Variants in CBL observed in about 807,000 individuals in gnomAD.
CBL encodes the protein Cbl proto-oncogene.
A neutral mutation model predicts 96.9 loss-of-function variants in CBL; 45 were observed. That is an observed-to-expected ratio of 0.46 (90% CI 0.37 to 0.60). The LOEUF is 0.60. Ranked by LOEUF, CBL falls within the 20% of genes least tolerant of loss-of-function variation. The pLI is 0.00. For missense variants in CBL, 1,024 were observed against 1,143.5 expected (o/e 0.90, Z 1.51); for synonymous variants, 420 against 426.8 (o/e 0.98, Z 0.20).
In CBL at chr11:119,302,695, A is replaced by G; in HGVS notation, c.*2914A>G. 4.3e-6 allele frequency: 1 copy of G among 231,594 alleles called. No individual in the cohort carries two copies. The highest frequency in any genetic ancestry group is 8.5e-6 in the Non-Finnish European group (1 of 117,034). The allele number at this position is 231,594 out of a possible 1,614,324, so 14.3% of individuals were successfully genotyped here. On this transcript the variant is annotated 3_prime_UTR_variant, in exon 16 of 16. Transcript: ENST00000264033. ...CAACTGGACCTTTCCAGCTGTCGCC[A>G]TGTTCCTTCCACTAAAGTAGAGGGT...
intron 1 of CBL, among the ~76,000 whole-genome samples, chr11:119,224,943 G>A (rs796081476): frequency 5.3e-5 from 8 of 151,978 alleles, no homozygotes; most frequent in African/African-American, 1.4e-4. Flanking sequence ...AAAGAACTTC[G>A]TATAAGCAGA....
chr11:119,225,724 C>CTTT (rs57084908), intron 1 of CBL, among the ~76,000 whole-genome samples: 26,947 of 102,316 alleles, frequency 0.26, 4,597 homozygotes, highest in South Asian at 0.5. Context: ...TAAATATTTT[C>CTTT]TTTTTTTTTT....
At chr11:119,283,906 C>T (rs978069919) in intron 9 of CBL, among the ~76,000 whole-genome samples, 12 of 151,768 alleles carry the variant, frequency 7.9e-5, no homozygotes, top group Non-Finnish European at 1.3e-4. Flanking sequence ...CAAAGTGCTG[C>T]GATTACAGGC....
chr11:119,212,503 A>G (rs11217185), intron 1 of CBL, among the ~76,000 whole-genome samples: 1 of 151,438 alleles, frequency 6.6e-6, no homozygotes, highest in Admixed American at 6.6e-5. Flanking sequence ...GTGCATCCCT[A>G]TAATCCCAGC....
At chr11:119,217,117 G>C (rs1483245703) in intron 1 of CBL, among the ~76,000 whole-genome samples, 1 of 152,066 alleles carries the variant, frequency 6.6e-6, no homozygotes, top group African/African-American at 2.4e-5. Context: ...AAGTCACCTA[G>C]CTCGTATCTT....
At chr11:119,228,021 A>G (rs1949472127) in intron 1 of CBL, among the ~76,000 whole-genome samples, 1 of 151,460 alleles carries the variant, frequency 6.6e-6, no homozygotes, top group Non-Finnish European at 1.5e-5. Flanking sequence ...CAGCCTCCAT[A>G]TGTACAAATT....
At chr11:119,292,835 G>T (rs955816832) in intron 12 of CBL, among the ~76,000 whole-genome samples, 6 of 150,454 alleles carry the variant, frequency 4.0e-5, no homozygotes, top group African/African-American at 1.5e-4. Context: ...TTGCTGTGTT[G>T]CCCAGTTTTA....
rs772002109 is a variant in CBL at position 119,285,537 on chromosome 11, G to A, written c.1912G>A (p.Gly638Arg). The change falls in exon 11 of 16, where the codon GGA (glycine) becomes AGA (arginine). Residue 638 changes from glycine to arginine, a missense_variant. Gly to Arg is a moderately radical substitution (Grantham distance 125). Around this residue, in one of 4 missense-constraint regions of CBL, gnomAD observed 695 missense variants for 661.6 expected, o/e 1.05. Coordinates refer to ENST00000264033, the MANE Select transcript of CBL (RefSeq NM_005188.4). ...MEPRPDVPRL[G>R]STFSLDTSMS... is the part of the protein sequence containing the mutation. Reference sequence around the variant, plus strand: ...GCCCAGACCAGATGTGCCTAGGCTCGGAAGCACGTTCAGTCTGGATACCTC... The same window carrying A: ...GCCCAGACCAGATGTGCCTAGGCTCAGAAGCACGTTCAGTCTGGATACCTC... 1.5e-5 allele frequency: 25 copies of A among 1,613,886 alleles called. No individual in the cohort carries two copies. In the East Asian group the frequency reaches 5.1e-4, roughly 33 times the overall value.
intron 2 of CBL, among the ~76,000 whole-genome samples, chr11:119,260,669 A>G (rs1354550704): frequency 5.9e-5 from 9 of 151,772 alleles, no homozygotes; most frequent in Admixed American, 5.9e-4. Context: ...ACTCAGTCAT[A>G]CTCTTGATTT....
intron 9 of CBL, among the ~76,000 whole-genome samples, chr11:119,279,102 G>A (rs924151967): frequency 6.6e-6 from 1 of 151,880 alleles, no homozygotes; most frequent in Non-Finnish European, 1.5e-5. Flanking sequence ...ATCTGTTGGT[G>A]GAGAATATGA....
At chr11:119,265,126 C>T (rs543740682) in intron 2 of CBL, among the ~76,000 whole-genome samples, 4 of 152,272 alleles carry the variant, frequency 2.6e-5, no homozygotes, top group East Asian at 3.9e-4. Flanking sequence ...AGCAATCTGC[C>T]GGCCTCAGCC....
At chr11:119,257,202 A>G (rs576645121) in intron 2 of CBL, among the ~76,000 whole-genome samples, 1 of 152,366 alleles carries the variant, frequency 6.6e-6, no homozygotes, top group East Asian at 1.9e-4. Flanking sequence ...GTGTATAAGC[A>G]TTCCCTATTC....
In CBL at chr11:119,305,163, T is replaced by G. The variant is rs1950126114; in HGVS notation, c.*5382T>G. ...TAGTGGACAGGAAGGCACAGGAGTT[T>G]GTCTGGGACATCATAGAAATTCTTA... On this transcript the variant is annotated 3_prime_UTR_variant, in exon 16 of 16. Coordinates refer to ENST00000264033, the MANE Select transcript of CBL (RefSeq NM_005188.4). 2 of 225,638 alleles carry G rather than the reference T, an allele frequency of 8.9e-6. No individual in the cohort carries two copies. The highest frequency in any genetic ancestry group is 1.8e-5 in the Non-Finnish European group (2 of 113,246). 14.0% of individuals were successfully genotyped at this position (225,638 alleles called of 1,614,324 possible).
intron 2 of CBL, among the ~76,000 whole-genome samples, chr11:119,261,204 G>A (rs1592391769): frequency 2.0e-5 from 3 of 152,048 alleles, no homozygotes; most frequent in African/African-American, 4.8e-5. Context: ...GTGAGCCACC[G>A]CGCCTGGCCT....
intron 2 of CBL, among the ~76,000 whole-genome samples, chr11:119,264,383 TTTCTTTTCTC>T (rs1395448212): frequency 1.4e-4 from 13 of 94,306 alleles, no homozygotes; most frequent in East Asian, 5.1e-4. Flanking sequence ...TGATCTTTCT[TTTCTTTTCTC>T]TTCTCTTCTC....
intron 1 of CBL, among the ~76,000 whole-genome samples, chr11:119,210,713 T>G (rs1949309783): frequency 6.8e-6 from 1 of 147,980 alleles, no homozygotes; most frequent in African/African-American, 2.5e-5. Flanking sequence ...CCTCCCAAAG[T>G]GCTGAGGTGG....
In CBL at chr11:119,303,476, T is replaced by A. The variant is rs1950114845; in HGVS notation, c.*3695T>A. 1 of 233,570 alleles carries A rather than the reference T, an allele frequency of 4.3e-6. No homozygotes were observed. Among genetic ancestry groups the A allele is most frequent in the Non-Finnish European group, 8.5e-6 (1 of 118,030 alleles). 14.5% of individuals were successfully genotyped at this position (233,570 alleles called of 1,614,324 possible). On this transcript the variant is annotated 3_prime_UTR_variant, in exon 16 of 16. Coordinates refer to ENST00000264033, the MANE Select transcript of CBL (RefSeq NM_005188.4). ...TTACTAATGTTTGGGGGATTGTACT[T>A]GGACTGTCATAGCCTCTGCGTTTGA...
At chr11:119,293,293 A>G (rs982322490) in intron 12 of CBL, among the ~76,000 whole-genome samples, 3 of 152,060 alleles carry the variant, frequency 2.0e-5, no homozygotes, top group Non-Finnish European at 4.4e-5. Context: ...TATTTAGTAG[A>G]GACAGGGTTT....
At chr11:119,216,347 T>TA (rs1565854863) in intron 1 of CBL, among the ~76,000 whole-genome samples, 1 of 82,468 alleles carries the variant, frequency 1.2e-5, no homozygotes, top group Non-Finnish European at 2.7e-5. Context: ...GTAATTTATT[T>TA]ATTTATTTAT....
Sources: allele counts gnomAD v4.1 joint callset (sites outside exome capture counted in the v4.1 genomes callset), GRCh38; gene constraint gnomAD v4.1.1; regional missense constraint gnomAD v4.1.1; transcripts MANE v1.5; gene names NCBI Gene and HGNC (gene_info 2026-07-23, HGNC 2026-07-21).